Variants in B3GNT7 observed in about 807,000 individuals in gnomAD.
The protein encoded by B3GNT7 is UDP-GlcNAc:betaGal beta-1,3-N-acetylglucosaminyltransferase 7, also known as BGnT-7.
In B3GNT7, 9 loss-of-function variants were observed where a neutral mutation model predicts 5.1. The ratio of observed to expected loss-of-function variants is 1.77; its 90% CI spans 1.07 to 3.09. The LOEUF (loss-of-function observed/expected upper bound fraction) is 3.09. Among genes scored for constraint, B3GNT7 ranks in the 30% most tolerant of loss-of-function variants. The pLI, the probability that B3GNT7 is intolerant of heterozygous loss-of-function variation, is 0.00. For missense variants in B3GNT7, 468 were observed against 550.8 expected (o/e 0.85, Z 1.50); for synonymous variants, 253 against 248.6 (o/e 1.02, Z -0.17).
At chr2:231,396,599 A>C (rs1312805814) in intron 1 of B3GNT7, among the ~76,000 whole-genome samples, 1 of 152,066 alleles carries the variant, frequency 6.6e-6, no homozygotes, top group Non-Finnish European at 1.5e-5. Context: ...AGGGCAACCC[A>C]GGCGTCTCCA....
At chr2:231,396,452 A>C (rs1055271503) in intron 1 of B3GNT7, among the ~76,000 whole-genome samples, 2 of 152,102 alleles carry the variant, frequency 1.3e-5, no homozygotes, top group Admixed American at 6.5e-5. Flanking sequence ...CACACCCCCC[A>C]GCCTGCACCT....
chr2:231,397,417 C>A, intron 1 of B3GNT7: 1 of 406,028 alleles, frequency 2.5e-6, no homozygotes, highest in Non-Finnish European at 3.9e-6. Context: ...ATATAGCACT[C>A]CAATCCTGTG....
rs748003159 is a variant in B3GNT7, at chr2:231,398,489, G to A, written c.770G>A (p.Arg257Gln). ...AACCTGCTAGAATTTCTGGCTGACC[G>A]GCAGCCACAGGAAAACCTGTTCGTG... ...PTNLLEFLAD[R>Q]QPQENLFVGD... The change falls in exon 2 of 2, where the codon CGG becomes CAG. Residue 257 changes from arginine to glutamine, a missense_variant. Coordinates refer to ENST00000287590, the MANE Select transcript of B3GNT7 (RefSeq NM_145236.3). 1.5e-5 allele frequency: 25 copies of A among 1,613,662 alleles called. No individual in the cohort carries two copies. Among genetic ancestry groups the A allele is most frequent in the Non-Finnish European group, 2.0e-5 (24 of 1,179,890 alleles).
rs1384095799 is a variant in B3GNT7, at chr2:231,398,882, T to TGCACCA, written c.1167_1168insCAGCAC (p.His389_Ser390insGlnHis). 10 of 1,595,038 alleles carry TGCACCA rather than the reference T, an allele frequency of 6.3e-6. No individual in the cohort carries two copies. The highest frequency in any genetic ancestry group is 7.6e-6 in the Non-Finnish European group (9 of 1,178,152). On this transcript the variant is annotated inframe_insertion, in exon 2 of 2. Transcript: ENST00000287590. ...GAGCTGCTCGCCATGTGGGGGCTGG[T>TGCACCA]GCACAGCAATCTCACCTGCTCCCGC...
Position 231,399,012 on chromosome 2 carries a change from C to T in B3GNT7, c.*87C>T. The T allele has an allele frequency of 8.2e-7, 1 of 1,221,758 alleles. No homozygotes were observed. The highest frequency in any genetic ancestry group is 1.1e-6 in the Non-Finnish European group (1 of 900,152). The allele number at this position is 1,221,758 out of a possible 1,614,324, so 75.7% of individuals were successfully genotyped here. A position where few individuals can be genotyped will look rare whatever the true frequency, so the allele number is the denominator to read the frequency against. Reference sequence around the variant, plus strand: ...CTGGAGCCACAGTGCCCAGGCCTAGCCTTTGGTCCCCAAGGGGAGGTGGAG... The same window carrying T: ...CTGGAGCCACAGTGCCCAGGCCTAGTCTTTGGTCCCCAAGGGGAGGTGGAG... On this transcript the variant is annotated 3_prime_UTR_variant, in exon 2 of 2. Coordinates refer to ENST00000287590, the MANE Select transcript of B3GNT7 (RefSeq NM_145236.3).
At chr2:231,396,642 T>A (rs1198196070) in intron 1 of B3GNT7, among the ~76,000 whole-genome samples, 1 of 152,046 alleles carries the variant, frequency 6.6e-6, no homozygotes, top group East Asian at 1.9e-4. Context: ...ACCCTGCTCC[T>A]CCCCCTTGGA....
rs2125613863 is a variant in B3GNT7, at chr2:231,398,687, A to T, written c.968A>T (p.Tyr323Phe). Residue 323 changes from tyrosine to phenylalanine, a missense_variant, in exon 2 of 2, where the codon TAC (tyrosine) becomes TTC (phenylalanine). Transcript: ENST00000287590. The stretch of plus-strand genomic sequence containing the variant: ...CATGCCTGCGACACCCTGGAGCTCT[A>T]CCCGATCGACGACGTCTTTCTGGGC... ...LHHACDTLEL[Y>F]PIDDVFLGMC... The T allele has an allele frequency of 6.2e-7, 1 of 1,611,928 alleles. No homozygotes were observed. The highest frequency in any genetic ancestry group is 1.6e-4 in the Middle Eastern group (1 of 6,062).
In B3GNT7 at chr2:231,399,279, T is replaced by A; in HGVS notation, c.*354T>A. On this transcript the variant is annotated 3_prime_UTR_variant, in exon 2 of 2. Transcript: ENST00000287590. ...TGGAGGAACGCTGTGCTCAGGTACC[T>A]GGGCTAGGCCTGGCCTGATGGGTCT... 1 of 285,466 alleles carries A rather than the reference T, an allele frequency of 3.5e-6. No individual in the cohort carries two copies. The highest frequency in any genetic ancestry group is 6.6e-6 in the Non-Finnish European group (1 of 151,320). The allele number at this position is 285,466 out of a possible 1,614,324, so 17.7% of individuals were successfully genotyped here.
In B3GNT7 at chr2:231,395,855, G is replaced by A; in HGVS notation, c.11+41G>A. 1 of 1,130,818 alleles carries A rather than the reference G, an allele frequency of 8.8e-7. No homozygotes were observed. The highest frequency in any genetic ancestry group is 1.1e-6 in the Non-Finnish European group (1 of 915,216). The allele number at this position is 1,130,818 out of a possible 1,614,324, so 70.0% of individuals were successfully genotyped here. On this transcript the variant is annotated intron_variant, in intron 1 of 1. Coordinates refer to ENST00000287590, the MANE Select transcript of B3GNT7 (RefSeq NM_145236.3). The surrounding 1 kb of genome is among the most constrained non-coding windows in gnomAD (Gnocchi z 7.3). ...GGCCGTCGGGGGCCTGGGCGGGGGC[G>A]TGGGCCCGGGGCTCCCCCTCCTCCG... is the stretch of plus-strand genomic sequence containing the variant.
rs745569801 is a variant in B3GNT7 at position 231,398,251 on chromosome 2, G to A, written c.532G>A (p.Gly178Ser). 2.5e-6 allele frequency: 4 copies of A among 1,612,082 alleles called. No homozygotes were observed. The highest frequency in any genetic ancestry group is 2.5e-6 in the Non-Finnish European group (3 of 1,179,404). ...RGAVRTLFLL[G>S]TASKQEERTH... ...CGCCGTGCGCACCCTCTTCCTGCTG[G>A]GCACGGCCTCCAAGCAGGAGGAGCG... The change falls in exon 2 of 2, where the codon GGC becomes AGC. Residue 178 changes from glycine (G) to serine (S), a missense_variant. Physicochemically the swap from Gly to Ser is moderately conservative, Grantham distance 56. Coordinates refer to ENST00000287590, the MANE Select transcript of B3GNT7 (RefSeq NM_145236.3).
In B3GNT7 at chr2:231,398,268, G is replaced by A; in HGVS notation, c.549G>A (p.Gln183=). The change falls in exon 2 of 2, where the codon CAG becomes CAA. Residue 183 remains glutamine, a synonymous_variant. Transcript: ENST00000287590. ...TCCTGCTGGGCACGGCCTCCAAGCA[G>A]GAGGAGCGCACGCACTACCAGCAGC... is the stretch of plus-strand genomic sequence containing the variant. The part of the protein sequence containing the change: ...TLFLLGTASK[Q]EERTHYQQLL... 6.2e-7 allele frequency: 1 copy of A among 1,612,834 alleles called. No individual in the cohort carries two copies. Among genetic ancestry groups the A allele is most frequent in the Admixed American group, 1.7e-5 (1 of 60,014 alleles).
chr2:231,400,655 CAG>C lies in B3GNT7; in HGVS notation c.*1731_*1732del. 6.5e-6 allele frequency: 1 copy of C among 152,818 alleles called. No homozygotes were observed. Among genetic ancestry groups the C allele is most frequent in the East Asian group, 1.9e-4 (1 of 5,212 alleles). The allele number at this position is 152,818 out of a possible 1,614,324, so 9.5% of individuals were successfully genotyped here. ...AGCAGCTCCGTGCCTGCACCCAGCT[CAG>C]GGGAATCCCAGGGGGTTCAGATGCC... On this transcript the variant is annotated 3_prime_UTR_variant, in exon 2 of 2. Coordinates refer to ENST00000287590, the MANE Select transcript of B3GNT7 (RefSeq NM_145236.3).
In B3GNT7 at chr2:231,398,148, C is replaced by A; in HGVS notation, c.429C>A (p.Val143=). 1 of 1,597,802 alleles carries A rather than the reference C, an allele frequency of 6.3e-7. No individual in the cohort carries two copies. Among genetic ancestry groups the A allele is most frequent in the Non-Finnish European group, 8.5e-7 (1 of 1,171,490 alleles). ...ACCTGCTGGTGGTTGTCAAGTCGGTCATCACGCAGCACGACCGCCGCGAGG... is the reference window on the plus strand; with the variant it reads ...ACCTGCTGGTGGTTGTCAAGTCGGTAATCACGCAGCACGACCGCCGCGAGG... ...DVYLLVVVKS[V]ITQHDRREAI... is the part of the protein sequence containing the mutation. Residue 143 remains valine, a synonymous_variant, in exon 2 of 2, where the codon GTC becomes GTA. Coordinates refer to ENST00000287590, the MANE Select transcript of B3GNT7 (RefSeq NM_145236.3).
Position 231,400,724 on chromosome 2 carries a change from C to T in B3GNT7, c.*1799C>T, listed in dbSNP as rs550418148. On this transcript the variant is annotated 3_prime_UTR_variant, in exon 2 of 2. Coordinates refer to ENST00000287590, the MANE Select transcript of B3GNT7 (RefSeq NM_145236.3). The stretch of plus-strand genomic sequence containing the variant: ...ACAGCGCTACTGCTATGGAATGAGA[C>T]CACCACTTCTCCTGTTGTCCTTCCC... 2.1e-4 allele frequency: 32 copies of T among 152,360 alleles called. No individual in the cohort carries two copies. The highest frequency in any genetic ancestry group is 7.2e-4 in the African/African-American group (30 of 41,570). 9.4% of individuals were successfully genotyped at this position (152,360 alleles called of 1,614,324 possible).
chr2:231,397,542 G>C (rs1042572919), intron 1 of B3GNT7, among the ~76,000 whole-genome samples, 189 bp from the exon 2 acceptor site: 2 of 152,124 alleles, frequency 1.3e-5, no homozygotes, highest in Non-Finnish European at 2.9e-5. Flanking sequence ...AGAGGGCAGG[G>C]TGGGAGAAAG....
chr2:231,396,778 TGAA>T (rs2046518974), intron 1 of B3GNT7, among the ~76,000 whole-genome samples: 1 of 151,748 alleles, frequency 6.6e-6, no homozygotes, highest in South Asian at 2.1e-4. Context: ...GAGGGTGAGA[TGAA>T]GAGAGGAGGT....
chr2:231,399,864 C>T lies in B3GNT7; in HGVS notation c.*939C>T, dbSNP rs1229641727. The T allele has an allele frequency of 6.5e-6, 1 of 152,964 alleles. No homozygotes were observed. Among genetic ancestry groups the T allele is most frequent in the South Asian group, 2.1e-4 (1 of 4,852 alleles). 9.5% of individuals were successfully genotyped at this position (152,964 alleles called of 1,614,324 possible). A position where few individuals can be genotyped will look rare whatever the true frequency, so the allele number is the denominator to read the frequency against. On this transcript the variant is annotated 3_prime_UTR_variant, in exon 2 of 2. Coordinates refer to ENST00000287590, the MANE Select transcript of B3GNT7 (RefSeq NM_145236.3). ...TCCCTGGCCCTCCTCCCTTCCCTCC[C>T]CTCATTCCAGCTGCCTGCCCTCAGC...
chr2:231,397,767 G>A lies in B3GNT7; in HGVS notation c.48G>A (p.Leu16=). The A allele has an allele frequency of 6.2e-7, 1 of 1,613,644 alleles. No individual in the cohort carries two copies. The part of the protein sequence containing the change: ...KTVYRSLCLA[L]ALLVAVTVFQ... Reference sequence around the variant, plus strand: ...TCTACCGGAGTCTGTGCCTGGCCCTGGCCCTGCTCGTGGCCGTGACGGTGT... The same window carrying A: ...TCTACCGGAGTCTGTGCCTGGCCCTAGCCCTGCTCGTGGCCGTGACGGTGT... Residue 16 remains leucine (L), a synonymous_variant, in exon 2 of 2, where the codon CTG becomes CTA. Coordinates refer to ENST00000287590, the MANE Select transcript of B3GNT7 (RefSeq NM_145236.3).
rs1407615423 is a variant in B3GNT7, at chr2:231,401,117, C to A, written c.*2192C>A. The A allele has an allele frequency of 2.0e-5, 3 of 152,194 alleles. No homozygotes were observed. Among genetic ancestry groups the A allele is most frequent in the African/African-American group, 4.8e-5 (2 of 41,448 alleles). 9.4% of individuals were successfully genotyped at this position (152,194 alleles called of 1,614,324 possible). ...TTCGGGGAGCTCGGCTCTTAAGACGCGAGTCTGCCGACGCTCCCGGCCGAA... is the reference window on the plus strand; with the variant it reads ...TTCGGGGAGCTCGGCTCTTAAGACGAGAGTCTGCCGACGCTCCCGGCCGAA... On this transcript the variant is annotated 3_prime_UTR_variant, in exon 2 of 2. Transcript: ENST00000287590.
Sources: allele counts gnomAD v4.1 joint callset (sites outside exome capture counted in the v4.1 genomes callset), GRCh38; gene constraint gnomAD v4.1.1; non-coding constraint Gnocchi (gnomAD v3.1); transcripts MANE v1.5; gene names NCBI Gene and HGNC (gene_info 2026-07-23, HGNC 2026-07-21).